The following FCHO2 variants were observed in gnomAD, a reference collection of about 807,000 sequenced individuals.
FCHO2 encodes FCH and mu domain containing endocytic adaptor 2, also known as F-BAR domain only protein 2.
Under a neutral mutation model 114.1 loss-of-function variants are expected in FCHO2, and 43 were observed. That is an observed-to-expected ratio of 0.38 (90% CI 0.30 to 0.49). The LOEUF (loss-of-function observed/expected upper bound fraction) is 0.49. FCHO2 is among the 20% of genes least tolerant of loss of function. The pLI is 0.97. For synonymous variants in FCHO2, 293 were observed against 315.2 expected, an observed-to-expected ratio of 0.93 and a Z score of 0.75; for missense variants, 807 against 950.4, an observed-to-expected ratio of 0.85 and a Z score of 1.98.
At chr5:73,035,265 T>C (rs1181565093) in intron 9 of FCHO2, among the ~76,000 whole-genome samples, 3 of 151,844 alleles carry the variant, frequency 2.0e-5, no homozygotes, top group Non-Finnish European at 4.4e-5. Flanking sequence ...AAAAAAACTT[T>C]TAAAATTAGC....
intron 8 of FCHO2, among the ~76,000 whole-genome samples, chr5:73,032,157 A>G (rs1266275899): frequency 6.6e-6 from 1 of 152,234 alleles, no homozygotes; most frequent in Non-Finnish European, 1.5e-5. Flanking sequence ...CAGGCACGCA[A>G]AGCCTTGCCA....
intron 25 of FCHO2, 144 bp downstream of exon 25, chr5:73,087,897 A>G (rs1334240967): frequency 2.9e-6 from 4 of 1,362,612 alleles, no homozygotes; most frequent in Non-Finnish European, 4.0e-6. Flanking sequence ...AGGTAGAGAC[A>G]CACCTGGGAG....
chr5:73,035,391 C>G (rs566988337), intron 9 of FCHO2, among the ~76,000 whole-genome samples: 2 of 152,066 alleles, frequency 1.3e-5, no homozygotes, highest in Non-Finnish European at 2.9e-5. Flanking sequence ...TGCACTCCAG[C>G]CTGGGCGACA....
intron 8 of FCHO2, among the ~76,000 whole-genome samples, chr5:73,028,983 A>G (rs1338841402): frequency 1.3e-5 from 2 of 152,140 alleles, no homozygotes; most frequent in African/African-American, 4.8e-5. Flanking sequence ...TTTCTAGAAA[A>G]TGTACACTAA....
At chr5:73,012,489 C>T (rs1176549259) in intron 6 of FCHO2, among the ~76,000 whole-genome samples, 2 of 151,878 alleles carry the variant, frequency 1.3e-5, no homozygotes, top group African/African-American at 2.4e-5. Flanking sequence ...TGTGGTGGCA[C>T]ATGCCTGTAG....
At chr5:73,014,583 C>T (rs924003406) in intron 6 of FCHO2, among the ~76,000 whole-genome samples, 11 of 151,826 alleles carry the variant, frequency 7.2e-5, no homozygotes, top group African/African-American at 1.7e-4. Flanking sequence ...CCACCGTGCC[C>T]GGTGTATATT....
chr5:73,052,987 AT>A (rs1406328984), intron 13 of FCHO2: 5 of 152,406 alleles, frequency 3.3e-5, no homozygotes, highest in Admixed American at 3.3e-4. Context: ...TAATTCCTCA[AT>A]TCTAAAATAC....
intron 2 of FCHO2, among the ~76,000 whole-genome samples, chr5:72,975,390 A>T (rs916191911): frequency 4.6e-5 from 7 of 152,072 alleles, no homozygotes; most frequent in African/African-American, 1.7e-4. Context: ...GCAGTGGCTC[A>T]GTCAATGCTC....
At chr5:73,063,510 A>C (rs1757938168) in intron 17 of FCHO2, among the ~76,000 whole-genome samples, 1 of 152,106 alleles carries the variant, frequency 6.6e-6, no homozygotes. Flanking sequence ...ATTGGCAATA[A>C]ACAAATGACC....
At chr5:73,058,226 A>T (rs1282269872) in intron 16 of FCHO2, among the ~76,000 whole-genome samples, 3 of 151,946 alleles carry the variant, frequency 2.0e-5, no homozygotes, top group African/African-American at 7.3e-5. Flanking sequence ...CCTAGGCTTG[A>T]TCTTGAACTC....
chr5:72,996,778 G>A, intron 5 of FCHO2: 1 of 618,340 alleles, frequency 1.6e-6, no homozygotes. Flanking sequence ...TGAGCCGCTT[G>A]CTCCATACCC....
At chr5:72,965,631 G>A (rs1422714402) in intron 1 of FCHO2, among the ~76,000 whole-genome samples, 1 of 152,192 alleles carries the variant, frequency 6.6e-6, no homozygotes, top group Admixed American at 6.5e-5. Flanking sequence ...GTCATTGCAT[G>A]TCTATTGAGT....
At chr5:73,006,395 GAAA>G in intron 5 of FCHO2, 47 bp from the exon 6 acceptor site, 1 of 1,137,618 alleles carries the variant, frequency 8.8e-7, no homozygotes, top group Non-Finnish European at 1.2e-6. Flanking sequence ...CATTAGGAAA[GAAA>G]AAAGGTCAAT....
chr5:72,997,002 G>T, intron 5 of FCHO2: 3 of 1,582,224 alleles, frequency 1.9e-6, no homozygotes, highest in Non-Finnish European at 2.6e-6. Flanking sequence ...GCCCTTTTGC[G>T]GTGGCAGATC....
intron 6 of FCHO2, among the ~76,000 whole-genome samples, chr5:73,009,387 A>G (rs1001434200): frequency 2.6e-5 from 4 of 152,240 alleles, no homozygotes; most frequent in Non-Finnish European, 5.9e-5. Flanking sequence ...AGAGTTTGCT[A>G]TAGTCAGAGT....
chr5:72,960,292 T>G (rs1751784797), intron 1 of FCHO2, among the ~76,000 whole-genome samples: 1 of 135,676 alleles, frequency 7.4e-6, no homozygotes, highest in Non-Finnish European at 1.6e-5. Context: ...ATTCCTTTAC[T>G]TAATACTGTA....
intron 2 of FCHO2, among the ~76,000 whole-genome samples, chr5:72,979,625 T>C (rs2112637951): frequency 6.6e-6 from 1 of 151,720 alleles, no homozygotes; most frequent in Non-Finnish European, 1.5e-5. Context: ...TCTCCTGACC[T>C]CGTGATCCGC....
intron 12 of FCHO2, 94 bp from the exon 13 acceptor site, chr5:73,052,238 T>A: frequency 7.8e-7 from 1 of 1,277,466 alleles, no homozygotes; most frequent in Non-Finnish European, 1.1e-6. Flanking sequence ...TCTGTGTAAC[T>A]CTTAAAGGTT....
At chr5:73,042,155 A>G (rs1240645868) in intron 11 of FCHO2, among the ~76,000 whole-genome samples, 3 of 152,182 alleles carry the variant, frequency 2.0e-5, no homozygotes, top group African/African-American at 7.2e-5. Context: ...CTTAAAATAC[A>G]ATTATGATTT....
Sources: gnomAD v4.1 joint callset for allele counts (sites outside exome capture counted in the v4.1 genomes callset) on GRCh38, gnomAD v4.1.1 for gene constraint, MANE v1.5 for transcripts, NCBI Gene and HGNC (gene_info 2026-07-23, HGNC 2026-07-21) for gene names.